Variants in WIPF1 observed in about 807,000 individuals in gnomAD.
The protein encoded by WIPF1 is WAS/WASL interacting protein family member 1, also known as WAS/WASL-interacting protein family member 1.
In WIPF1, 13 loss-of-function variants were observed where a neutral mutation model predicts 35.4. The observed-to-expected ratio is 0.37, with a 90% confidence interval of 0.24 to 0.58. The LOEUF is 0.58. Among genes scored for constraint, WIPF1 ranks in the 20% least tolerant of loss-of-function variants. The probability of loss-of-function intolerance (pLI) is 0.74; values close to 1 mark genes in which losing one functional copy is unlikely to be tolerated. For synonymous variants in WIPF1, 267 were observed against 266.3 expected (o/e 1.00, Z -0.02); for missense variants, 591 against 667.0 (o/e 0.89, Z 1.25).
At chr2:174,639,751 A>C (rs1687258628) in intron 1 of WIPF1, among the ~76,000 whole-genome samples, 1 of 152,158 alleles carries the variant, frequency 6.6e-6, no homozygotes, top group Non-Finnish European at 1.5e-5. Flanking sequence ...TTTGTTGCCT[A>C]TGCGTTTGAG....
rs138517987 is a variant in WIPF1 at position 174,670,064 on chromosome 2, C to T, written c.-39+12710G>A. The stretch of plus-strand genomic sequence containing the variant: ...GATGGGCCTCCTCTAATCTCTGTTT[C>T]CTAATGAGTTTTCCTAAAGGCAGAT... On this transcript the variant is annotated intron_variant, in intron 1 of 8. Coordinates refer to the WIPF1 transcript ENST00000272746. Among the ~76,000 whole-genome samples the T allele has an allele frequency of 4.9e-3, 747 of 152,190 alleles. 8 individuals are homozygous for T. Among genetic ancestry groups the T allele is most frequent in the African/African-American group, 0.017 (691 of 41,514 alleles).
intron 1 of WIPF1, among the ~76,000 whole-genome samples, chr2:174,642,764 C>G (rs1262857339): frequency 6.7e-6 from 1 of 149,138 alleles, no homozygotes; most frequent in African/African-American, 2.6e-5. Context: ...ATCCTCCTAC[C>G]TCAGCCTCCC....
chr2:174,570,873 A>G (rs1684809367), intron 5 of WIPF1, among the ~76,000 whole-genome samples: 1 of 152,214 alleles, frequency 6.6e-6, no homozygotes, highest in African/African-American at 2.4e-5. Flanking sequence ...TAACCACTAT[A>G]AAACGCATCA....
chr2:174,614,539 C>T (rs1686450884), intron 1 of WIPF1, among the ~76,000 whole-genome samples: 3 of 152,164 alleles, frequency 2.0e-5, no homozygotes, highest in Admixed American at 2.0e-4. Flanking sequence ...CAATTCCTAT[C>T]ATTATTCCCA....
At chr2:174,618,373 A>T (rs1686573852) in intron 1 of WIPF1, among the ~76,000 whole-genome samples, 1 of 152,234 alleles carries the variant, frequency 6.6e-6, no homozygotes, top group Non-Finnish European at 1.5e-5. Flanking sequence ...GGCAGTTAGC[A>T]CTAGGGAAAC....
intron 1 of WIPF1, among the ~76,000 whole-genome samples, chr2:174,616,932 A>T (rs892411881): frequency 2.0e-5 from 3 of 152,142 alleles, no homozygotes; most frequent in African/African-American, 7.2e-5. Context: ...GGTTTTGGTC[A>T]TCAAGGAAAT....
intron 1 of WIPF1, among the ~76,000 whole-genome samples, chr2:174,624,631 T>C (rs887094883): frequency 6.6e-6 from 1 of 152,182 alleles, no homozygotes; most frequent in Non-Finnish European, 1.5e-5. Flanking sequence ...GCACAGGCAC[T>C]AACCAATTAG....
intron 1 of WIPF1, chr2:174,665,271 A>G (rs999644402): frequency 6.6e-6 from 1 of 152,212 alleles, no homozygotes; most frequent in Non-Finnish European, 1.5e-5. Context: ...ATAAGCCGCC[A>G]TAGACCAGGG....
intron 1 of WIPF1, among the ~76,000 whole-genome samples, chr2:174,675,777 A>G (rs1474652463): frequency 7.4e-6 from 1 of 135,288 alleles, no homozygotes; most frequent in African/African-American, 2.7e-5. Context: ...ACCTTTTCCA[A>G]GTTCTAAGAG....
intron 1 of WIPF1, among the ~76,000 whole-genome samples, chr2:174,670,735 T>C (rs780636852): frequency 2.0e-5 from 3 of 152,234 alleles, no homozygotes; most frequent in Non-Finnish European, 2.9e-5. Context: ...CAACTAGCCA[T>C]GGCCACAGTC....
Position 174,644,274 on chromosome 2 carries a change from T to C in WIPF1, c.-39+38500A>G, listed in dbSNP as rs7593819. On this transcript the variant is annotated intron_variant, in intron 1 of 8. Transcript: ENST00000272746. ...TCTTCATAAACATCAGAGAACTACATAGTAGGACTCTATTAATTGGTAAAG... is the reference window on the plus strand; with the variant it reads ...TCTTCATAAACATCAGAGAACTACACAGTAGGACTCTATTAATTGGTAAAG... 2.5e-3 allele frequency among the ~76,000 whole-genome samples: 388 copies of C among 152,358 alleles called. 1 individual carries two copies. The highest frequency in any genetic ancestry group is 8.9e-3 in the African/African-American group (370 of 41,580).
chr2:174,652,445 G>A (rs749884907), intron 1 of WIPF1, among the ~76,000 whole-genome samples: 3 of 152,178 alleles, frequency 2.0e-5, no homozygotes, highest in Non-Finnish European at 2.9e-5. Context: ...CTACATGGAC[G>A]TTATGTAAAT....
intron 1 of WIPF1, among the ~76,000 whole-genome samples, chr2:174,639,097 A>G (rs1687245082): frequency 6.6e-6 from 1 of 152,268 alleles, no homozygotes; most frequent in Non-Finnish European, 1.5e-5. Flanking sequence ...CCTTTTCTCC[A>G]CATCCTAACC....
intron 3 of WIPF1, among the ~76,000 whole-genome samples, chr2:174,578,672 G>C (rs1685140769): frequency 6.6e-6 from 1 of 151,750 alleles, no homozygotes; most frequent in South Asian, 2.1e-4. Context: ...CCATTTTCTG[G>C]ATTAGGTTTA....
chr2:174,610,950 G>A (rs1277268955), intron 1 of WIPF1, among the ~76,000 whole-genome samples: 1 of 152,160 alleles, frequency 6.6e-6, no homozygotes, highest in Non-Finnish European at 1.5e-5. Flanking sequence ...GCACAAAACT[G>A]TAGATGACTT....
chr2:174,633,930 AAAG>A (rs1687105765), intron 1 of WIPF1, among the ~76,000 whole-genome samples: 1 of 152,198 alleles, frequency 6.6e-6, no homozygotes, highest in African/African-American at 2.4e-5. Context: ...TGTGTTAGTA[AAAG>A]AAGGAAGGAA....
intron 1 of WIPF1, chr2:174,655,738 A>C (rs1687626888): frequency 6.6e-6 from 1 of 152,464 alleles, no homozygotes; most frequent in Admixed American, 6.5e-5. Flanking sequence ...GACACCCAAC[A>C]GTTTTTCCAG....
chr2:174,680,889 G>T lies in WIPF1; in HGVS notation c.-39+1885C>A, dbSNP rs200737693. Among the ~76,000 whole-genome samples, 29 of 152,172 alleles carry T rather than the reference G, an allele frequency of 1.9e-4. No homozygotes were observed. The East Asian group carries it at 5.6e-3, about 29-fold the overall frequency. ...TACTAGATCCTCATACCCTGCAGTG[G>T]ATGTAGAGCAAAGATTATCAAGCCC... On this transcript the variant is annotated intron_variant, in intron 1 of 8. Coordinates refer to the WIPF1 transcript ENST00000272746.
intron 1 of WIPF1, among the ~76,000 whole-genome samples, chr2:174,636,968 C>T (rs1687198200): frequency 1.3e-5 from 2 of 152,162 alleles, no homozygotes; most frequent in South Asian, 4.1e-4. Flanking sequence ...CCCACCTTTC[C>T]ATATCATACT....
Sources: allele counts gnomAD v4.1 joint callset (sites outside exome capture counted in the v4.1 genomes callset), GRCh38; gene constraint gnomAD v4.1.1; transcripts MANE v1.5; gene names NCBI Gene and HGNC (gene_info 2026-07-23, HGNC 2026-07-21).